The following FSTL4 variants were observed in gnomAD, a reference collection of about 807,000 sequenced individuals.
FSTL4 encodes follistatin-related protein 4.
Under a neutral mutation model 78.2 loss-of-function variants are expected in FSTL4, and 28 were observed. That is an observed-to-expected ratio of 0.36 (90% CI 0.27 to 0.49). FSTL4 has a LOEUF of 0.49. FSTL4 is among the 20% of genes least tolerant of loss of function. FSTL4 has a pLI of 0.98. For synonymous variants in FSTL4, 422 were observed against 440.5 expected, an observed-to-expected ratio of 0.96 and a Z score of 0.53; for missense variants, 922 against 1,084.9, an observed-to-expected ratio of 0.85 and a Z score of 2.11.
intron 2 of FSTL4, among the ~76,000 whole-genome samples, chr5:133,603,249 A>C (rs143265346): frequency 2.0e-5 from 3 of 152,186 alleles, no homozygotes; most frequent in Non-Finnish European, 4.4e-5. Context: ...TCTTTACTAC[A>C]TAAGACCAGG....
chr5:133,206,783 T>G (rs1273482506), intron 14 of FSTL4, among the ~76,000 whole-genome samples: 1 of 152,140 alleles, frequency 6.6e-6, no homozygotes, highest in African/African-American at 2.4e-5. Flanking sequence ...TCTTTTTTGT[T>G]TTGCTTTCTA....
intron 15 of FSTL4, among the ~76,000 whole-genome samples, chr5:133,200,916 C>T (rs1750299775): frequency 6.6e-6 from 1 of 152,138 alleles, no homozygotes; most frequent in Non-Finnish European, 1.5e-5. Flanking sequence ...AAGTTAAAAG[C>T]CACACACAGG....
chr5:133,220,894 C>T, intron 11 of FSTL4, 28 bp from the exon 12 acceptor site: 1 of 1,349,712 alleles, frequency 7.4e-7, no homozygotes, highest in Non-Finnish European at 1.1e-6. Flanking sequence ...AATGGGCATG[C>T]CCTCCAAGCA....
the FSTL4 span, among the ~76,000 whole-genome samples, chr5:133,819,943 A>G: frequency 2.0e-5 from 3 of 151,960 alleles, no homozygotes; most frequent in Admixed American, 6.6e-5. Flanking sequence ...TTTCAGCTCC[A>G]TTTTTCACAT....
intron 3 of FSTL4, among the ~76,000 whole-genome samples, chr5:133,555,387 T>A (rs1232409424): frequency 1.3e-5 from 2 of 152,182 alleles, no homozygotes; most frequent in Non-Finnish European, 2.9e-5. Flanking sequence ...CGCTATAATC[T>A]CCAACTCTGC....
At chr5:133,524,380 T>C (rs1418768859) in intron 3 of FSTL4, among the ~76,000 whole-genome samples, 1 of 152,102 alleles carries the variant, frequency 6.6e-6, no homozygotes, top group Non-Finnish European at 1.5e-5. Flanking sequence ...GAAAAGGCTT[T>C]GTGATGACTG....
intron 6 of FSTL4, among the ~76,000 whole-genome samples, chr5:133,309,391 A>G (rs1194538568): frequency 6.6e-6 from 1 of 152,234 alleles, no homozygotes; most frequent in African/African-American, 2.4e-5. Flanking sequence ...CTCATATTTC[A>G]TTCCTGTCCC....
At chr5:133,719,607 A>C in the FSTL4 span, among the ~76,000 whole-genome samples, 1 of 149,232 alleles carries the variant, frequency 6.7e-6, no homozygotes. Flanking sequence ...CGGGAGACAG[A>C]GGCTGCGGTG....
At chr5:133,356,262 C>T in intron 4 of FSTL4, among the ~76,000 whole-genome samples, 1 of 152,232 alleles carries the variant, frequency 6.6e-6, no homozygotes, top group African/African-American at 2.4e-5. Flanking sequence ...CTGTCATCAC[C>T]AATCAGCCCC....
intron 3 of FSTL4, among the ~76,000 whole-genome samples, chr5:133,481,263 AG>A (rs1433459841): frequency 6.6e-6 from 1 of 152,204 alleles, no homozygotes; most frequent in African/African-American, 2.4e-5. Flanking sequence ...AGCATTGGTC[AG>A]GCACGGTGGT....
At chr5:133,686,719 G>C in the FSTL4 span, among the ~76,000 whole-genome samples, 117 of 152,326 alleles carry the variant, frequency 7.7e-4, no homozygotes, top group African/African-American at 2.7e-3. Flanking sequence ...GACTTATTCA[G>C]AGTTACAAGG....
chr5:133,507,877 A>G (rs1758645455), intron 3 of FSTL4, among the ~76,000 whole-genome samples: 1 of 124,358 alleles, frequency 8.0e-6, no homozygotes, highest in Non-Finnish European at 1.9e-5. Flanking sequence ...ATAACCATAA[A>G]AAGTAGAATT....
chr5:133,738,487 C>A, the FSTL4 span, among the ~76,000 whole-genome samples: 1 of 152,186 alleles, frequency 6.6e-6, no homozygotes, highest in African/African-American at 2.4e-5. Context: ...CATGAATGAG[C>A]CTGTGTACTT....
intron 3 of FSTL4, among the ~76,000 whole-genome samples, chr5:133,540,720 CAA>C (rs79162509): frequency 0.027 from 1,892 of 70,220 alleles, 38 homozygotes; most frequent in African/African-American, 0.095. Context: ...TTAACATAGG[CAA>C]AAAAAAAAAA....
At chr5:133,774,702 T>C in the FSTL4 span, among the ~76,000 whole-genome samples, 12,698 of 152,270 alleles carry the variant, frequency 0.083, 788 homozygotes, top group African/African-American at 0.17. Context: ...TGCCATCTTA[T>C]CTACTTATAG....
intron 2 of FSTL4, chr5:133,583,258 A>G (rs1452542454): frequency 1.1e-5 from 5 of 455,920 alleles, no homozygotes; most frequent in Non-Finnish European, 1.8e-5. Flanking sequence ...AATGCTGGGA[A>G]TCTTACCTCC....
chr5:133,434,386 G>C (rs1053890563), intron 3 of FSTL4, among the ~76,000 whole-genome samples: 4 of 152,274 alleles, frequency 2.6e-5, no homozygotes, highest in African/African-American at 9.6e-5. Context: ...ATTGGAATCT[G>C]GAAGTAGTTT....
At chr5:133,508,608 C>T (rs1015581720) in intron 3 of FSTL4, among the ~76,000 whole-genome samples, 1 of 152,176 alleles carries the variant, frequency 6.6e-6, no homozygotes, top group African/African-American at 2.4e-5. Context: ...TTATGCAGCA[C>T]ATGACTAAGT....
rs561383190 is a variant in FSTL4, at chr5:133,560,805, G to A, written c.160+6381C>T. 3.6e-4 allele frequency among the ~76,000 whole-genome samples: 54 copies of A among 151,886 alleles called. No individual in the cohort carries two copies. In the South Asian group the frequency reaches 4.6e-3, roughly 13 times the overall value. On this transcript the variant is annotated intron_variant, in intron 3 of 15. Transcript: ENST00000265342. Reference sequence around the variant, plus strand: ...TAGGCTAAGTTTAAGATAATTCTTCGGCCAGGAGTGGTGGCTCACACCTGT... The same window carrying A: ...TAGGCTAAGTTTAAGATAATTCTTCAGCCAGGAGTGGTGGCTCACACCTGT...
Sources: allele counts gnomAD v4.1 joint callset (sites outside exome capture counted in the v4.1 genomes callset), GRCh38; gene constraint gnomAD v4.1.1; transcripts MANE v1.5; gene names NCBI Gene and HGNC (gene_info 2026-07-23, HGNC 2026-07-21).